The following NELL2 variants were observed in gnomAD, a reference collection of about 807,000 sequenced individuals.
NELL2 encodes the protein protein kinase C-binding protein NELL2.
Under a neutral mutation model 109.6 loss-of-function variants are expected in NELL2, and 41 were observed. The ratio of observed to expected loss-of-function variants is 0.37; its 90% CI spans 0.29 to 0.49. The LOEUF is 0.49. Ranked by LOEUF, NELL2 falls within the 20% of genes least tolerant of loss-of-function variation. The pLI is 0.98. For synonymous variants in NELL2, 355 were observed against 344.7 expected (o/e 1.03, Z -0.33); for missense variants, 900 against 1,008.3 (o/e 0.89, Z 1.45).
chr12:44,878,495 T>C (rs1040373782), upstream of NELL2, among the ~76,000 whole-genome samples: 9 of 152,184 alleles, frequency 5.9e-5, no homozygotes, highest in East Asian at 3.9e-4. Context: ...TAATTCTTTA[T>C]TGGGGCTGTC....
At chr12:44,736,313 T>C (rs553256815) in intron 9 of NELL2, among the ~76,000 whole-genome samples, 38 of 152,222 alleles carry the variant, frequency 2.5e-4, no homozygotes, top group African/African-American at 8.9e-4. Flanking sequence ...CCGGCCTTCT[T>C]TATTTTTTTA....
chr12:44,656,646 T>A (rs528262815), intron 13 of NELL2, among the ~76,000 whole-genome samples: 1 of 152,244 alleles, frequency 6.6e-6, no homozygotes, highest in Non-Finnish European at 1.5e-5. Context: ...AAAGCTGATA[T>A]GCATATTTCC....
chr12:44,569,922 C>T (rs1480233132), intron 15 of NELL2, among the ~76,000 whole-genome samples: 1 of 152,040 alleles, frequency 6.6e-6, no homozygotes, highest in Admixed American at 6.6e-5. Flanking sequence ...AATTTCAAGG[C>T]ACTTCAACAG....
chr12:44,535,611 G>A (rs1257408629), intron 15 of NELL2, among the ~76,000 whole-genome samples: 3 of 152,006 alleles, frequency 2.0e-5, no homozygotes, highest in Non-Finnish European at 4.4e-5. Flanking sequence ...TGCCACCAGT[G>A]ATATGGTATG....
intron 1 of NELL2, among the ~76,000 whole-genome samples, chr12:44,911,071 T>A (rs990604558): frequency 4.6e-5 from 7 of 152,104 alleles, no homozygotes; most frequent in South Asian, 2.1e-4. Context: ...AGTGACAGGA[T>A]CATGCATATC....
intron 2 of NELL2, among the ~76,000 whole-genome samples, chr12:44,854,717 T>G (rs1029367559): frequency 4.7e-5 from 7 of 148,460 alleles, no homozygotes; most frequent in Non-Finnish European, 1.0e-4. Flanking sequence ...GGTGGGTGGG[T>G]GGATGGATGG....
At chr12:44,679,928 A>C (rs1315145135) in intron 12 of NELL2, among the ~76,000 whole-genome samples, 1 of 152,120 alleles carries the variant, frequency 6.6e-6, no homozygotes, top group Non-Finnish European at 1.5e-5. Flanking sequence ...ATTCATGGGT[A>C]GTTAGTAGGT....
At chr12:44,758,337 T>C (rs1356272563) in intron 9 of NELL2, among the ~76,000 whole-genome samples, 1 of 152,234 alleles carries the variant, frequency 6.6e-6, no homozygotes, top group African/African-American at 2.4e-5. Context: ...TTGCGTTTTC[T>C]AAATGCTATT....
chr12:44,693,079 T>G (rs1300357957), intron 12 of NELL2, among the ~76,000 whole-genome samples: 2 of 152,150 alleles, frequency 1.3e-5, no homozygotes, highest in African/African-American at 4.8e-5. Context: ...AAATCTCTCA[T>G]GAAAGGAAGA....
chr12:44,566,566 C>CACACACACACACAGAG (rs377368706), intron 15 of NELL2, among the ~76,000 whole-genome samples: 4,120 of 138,342 alleles, frequency 0.03, 194 homozygotes, highest in African/African-American at 0.1. Flanking sequence ...CACACACACA[C>CACACACACACACAGAG]AGAGTTTTAT....
In NELL2 at chr12:44,803,964, G is replaced by A. The variant is rs540150494; in HGVS notation, c.335+12022C>T. 1.1e-4 allele frequency among the ~76,000 whole-genome samples: 17 copies of A among 152,044 alleles called. No individual in the cohort carries two copies. In the South Asian group the frequency reaches 3.5e-3, roughly 32 times the overall value. ...TTTAAGTGTGTAGTTAAAAGTTTAA[G>A]TGTGTAAGTATATAGTTTCATATTT... is the stretch of plus-strand genomic sequence containing the variant. On this transcript the variant is annotated intron_variant, in intron 3 of 19. Transcript: ENST00000429094.
chr12:44,742,645 C>T (rs908321080), intron 9 of NELL2, among the ~76,000 whole-genome samples: 8 of 151,558 alleles, frequency 5.3e-5, no homozygotes, highest in African/African-American at 1.9e-4. Flanking sequence ...CAAGACACTA[C>T]GTGACAAATG....
rs373715658 is a variant in NELL2 at position 44,689,990 on chromosome 12, A to C, written c.1318+13736T>G. Among the ~76,000 whole-genome samples, 3 of 152,242 alleles carry C rather than the reference A, an allele frequency of 2.0e-5. No individual in the cohort carries two copies. In the East Asian group the frequency reaches 5.8e-4, roughly 29 times the overall value. On this transcript the variant is annotated intron_variant, in intron 12 of 19. Coordinates refer to ENST00000429094, the MANE Select transcript of NELL2 (RefSeq NM_001145108.2). ...GCAGGAACACATAAACTAAAGACTC[A>C]AAAATAATTTTTAAAAATCCATCCT...
In NELL2 at chr12:44,798,938, G is replaced by T. The variant is rs1381290108; in HGVS notation, c.335+17048C>A. The stretch of plus-strand genomic sequence containing the variant: ...TAGGGGAAAAAAGAACTTTGCAAAT[G>T]ATTTCCACTTTTTTTTTTTTTTTTT... On this transcript the variant is annotated intron_variant, in intron 3 of 19. Coordinates refer to ENST00000429094, the MANE Select transcript of NELL2 (RefSeq NM_001145108.2). Among the ~76,000 whole-genome samples, 3 of 131,406 alleles carry T rather than the reference G, an allele frequency of 2.3e-5. No individual in the cohort carries two copies. The East Asian group carries it at 6.8e-4, about 30-fold the overall frequency. 86.2% of individuals were successfully genotyped at this position (131,406 alleles called of 152,430 possible).
intron 1 of NELL2, among the ~76,000 whole-genome samples, chr12:44,904,151 A>T (rs1175285676): frequency 6.6e-6 from 1 of 152,078 alleles, no homozygotes; most frequent in Non-Finnish European, 1.5e-5. Context: ...ACTCTTTTGG[A>T]TCACAAATTT....
chr12:44,794,673 T>G (rs1942556660), intron 3 of NELL2, among the ~76,000 whole-genome samples: 1 of 152,102 alleles, frequency 6.6e-6, no homozygotes, highest in African/African-American at 2.4e-5. Context: ...CAACCAAGAG[T>G]TCTAACCAAC....
intron 2 of NELL2, among the ~76,000 whole-genome samples, chr12:44,840,315 C>A (rs192594825): frequency 1.3e-5 from 2 of 152,296 alleles, no homozygotes; most frequent in Non-Finnish European, 2.9e-5. Context: ...GATTTCATGT[C>A]AATCTCTCTC....
chr12:44,559,786 C>A (rs1943399867), intron 15 of NELL2, among the ~76,000 whole-genome samples: 1 of 152,122 alleles, frequency 6.6e-6, no homozygotes, highest in African/African-American at 2.4e-5. Flanking sequence ...AGAAAATTCA[C>A]AAGGATATTC....
At chr12:44,701,858 G>A (rs555555630) in intron 12 of NELL2, among the ~76,000 whole-genome samples, 5 of 152,136 alleles carry the variant, frequency 3.3e-5, no homozygotes, top group Admixed American at 2.6e-4. Context: ...ATACAGGGCT[G>A]AGCATATCAC....
Sources: gnomAD v4.1 joint callset for allele counts (sites outside exome capture counted in the v4.1 genomes callset) on GRCh38, gnomAD v4.1.1 for gene constraint, MANE v1.5 for transcripts, NCBI Gene and HGNC (gene_info 2026-07-23, HGNC 2026-07-21) for gene names.